CRIM1: variants seen among roughly 807,000 people sequenced by gnomAD.
CRIM1 encodes cysteine rich transmembrane BMP regulator 1.
CRIM1 carries 32 observed loss-of-function variants against 116.4 expected under a neutral mutation model. The observed-to-expected ratio is 0.27, with a 90% CI of 0.21 to 0.37. CRIM1 has a LOEUF of 0.37. Ranked by LOEUF, CRIM1 falls within the 10% of genes least tolerant of loss-of-function variation. CRIM1 has a pLI of 1.00. For synonymous variants in CRIM1, 590 were observed against 509.2 expected (o/e 1.16, Z -2.13); for missense variants, 1,331 against 1,354.8 (o/e 0.98, Z 0.28).
Position 36,442,731 on chromosome 2 carries a change from A to G in CRIM1, c.865A>G (p.Thr289Ala), listed in dbSNP as rs1216424979. 9 of 1,614,170 alleles carry G rather than the reference A, an allele frequency of 5.6e-6. No homozygotes were observed. The highest frequency in any genetic ancestry group is 2.2e-5 in the South Asian group (2 of 91,078). The change falls in exon 4 of 17, where the codon ACA becomes GCA. Residue 289 changes from threonine to alanine, a missense_variant. Thr to Ala is a moderately conservative substitution (Grantham distance 58). Around this residue, in one of 3 missense-constraint regions of CRIM1, gnomAD observed 690 missense variants for 676.0 expected, o/e 1.02. Transcript: ENST00000280527. ...LTADGCCTLP[T>A]RCECLSGLCG... ...TGCAGATGGTTGCTGTACTTTGCCA[A>G]CAAGGTTAGTTTGCCATTAGTTTGT...
chr2:36,420,135 G>A (rs547923353), intron 2 of CRIM1, among the ~76,000 whole-genome samples: 1 of 152,074 alleles, frequency 6.6e-6, no homozygotes, highest in South Asian at 2.1e-4. Flanking sequence ...TCTTCTCTTT[G>A]ATAACCATGT....
At chr2:36,466,129 A>G (rs1313405571) in intron 5 of CRIM1, among the ~76,000 whole-genome samples, 3 of 151,878 alleles carry the variant, frequency 2.0e-5, no homozygotes, top group African/African-American at 4.8e-5. Context: ...CTCGTGATCC[A>G]CCCGCCTCGG....
At chr2:36,414,877 C>G (rs1406512787) in intron 2 of CRIM1, among the ~76,000 whole-genome samples, 1 of 152,132 alleles carries the variant, frequency 6.6e-6, no homozygotes, top group African/African-American at 2.4e-5. Context: ...GGATTTTATT[C>G]TAAGTATAAT....
intron 4 of CRIM1, among the ~76,000 whole-genome samples, chr2:36,447,909 A>G (rs1456671125): frequency 6.6e-6 from 1 of 152,184 alleles, no homozygotes; most frequent in Non-Finnish European, 1.5e-5. Flanking sequence ...TTCAGGTGAA[A>G]TTCGGGCAGC....
At chr2:36,536,726 A>C (rs2125166603) in intron 13 of CRIM1, among the ~76,000 whole-genome samples, 1 of 152,334 alleles carries the variant, frequency 6.6e-6, no homozygotes. Flanking sequence ...AAGAAGGAGC[A>C]GAATGTTTAA....
In CRIM1 at chr2:36,548,581, C is replaced by A. The variant is rs541773645; in HGVS notation, c.2991C>A (p.Val997=). 5.0e-6 allele frequency: 8 copies of A among 1,611,220 alleles called. No individual in the cohort carries two copies. The African/African-American group carries it at 9.4e-5, about 19-fold the overall frequency. The part of the protein sequence containing the change: ...VSVDCKKGTR[V]QVDSSQRMLR... ...TGGACTGCAAGAAAGGAACCAGAGT[C>A]CAGGTGGACAGTTCCCAGAGAATGC... Residue 997 remains valine (V), a synonymous_variant, in exon 17 of 17, where the codon GTC becomes GTA. Coordinates refer to ENST00000280527, the MANE Select transcript of CRIM1 (RefSeq NM_016441.3).
chr2:36,469,604 A>T (rs946616798), intron 5 of CRIM1, among the ~76,000 whole-genome samples: 1 of 152,186 alleles, frequency 6.6e-6, no homozygotes, highest in Non-Finnish European at 1.5e-5. Flanking sequence ...TCCTCATGTA[A>T]AATTTTGGCC....
At chr2:36,366,072 ATAAG>A (rs1669584918) in intron 1 of CRIM1, among the ~76,000 whole-genome samples, 1 of 152,230 alleles carries the variant, frequency 6.6e-6, no homozygotes, top group African/African-American at 2.4e-5. Context: ...GTACCTGAAA[ATAAG>A]TATCATTTTT....
intron 2 of CRIM1, among the ~76,000 whole-genome samples, chr2:36,415,763 T>G (rs1673567127): frequency 6.6e-6 from 1 of 152,248 alleles, no homozygotes; most frequent in Non-Finnish European, 1.5e-5. Context: ...AACTGAGGAC[T>G]TATGTGGTAG....
chr2:36,450,578 C>G (rs947273518), intron 4 of CRIM1, among the ~76,000 whole-genome samples: 1 of 152,166 alleles, frequency 6.6e-6, no homozygotes, highest in African/African-American at 2.4e-5. Flanking sequence ...CTTTATTTCT[C>G]TCCCATAAAA....
At chr2:36,482,118 A>G (rs1324327058) in intron 7 of CRIM1, among the ~76,000 whole-genome samples, 5 of 152,046 alleles carry the variant, frequency 3.3e-5, no homozygotes, top group Non-Finnish European at 5.9e-5. Context: ...TTCAGCGGTA[A>G]AGTTCTGCTG....
intron 10 of CRIM1, chr2:36,513,329 C>T: frequency 3.8e-6 from 2 of 524,864 alleles, no homozygotes; most frequent in Non-Finnish European, 6.8e-6. Flanking sequence ...CAGCGATCAT[C>T]CCACGAATTG....
intron 2 of CRIM1, among the ~76,000 whole-genome samples, chr2:36,436,267 A>C (rs568537217): frequency 1.8e-4 from 27 of 152,280 alleles, no homozygotes; most frequent in South Asian, 4.1e-4. Context: ...TGACAAGCTG[A>C]TGACTAGTTC....
chr2:36,538,898 G>GT (rs1666746694), intron 14 of CRIM1, among the ~76,000 whole-genome samples: 1 of 152,196 alleles, frequency 6.6e-6, no homozygotes, highest in African/African-American at 2.4e-5. Flanking sequence ...AGTTTCCCCA[G>GT]TAATATGCTT....
chr2:36,475,950 T>C (rs1678943817), intron 5 of CRIM1, among the ~76,000 whole-genome samples: 1 of 152,208 alleles, frequency 6.6e-6, no homozygotes, highest in Non-Finnish European at 1.5e-5. Context: ...TGTATAATTT[T>C]GTTTATATGT....
chr2:36,407,957 A>G (rs1041298055), intron 2 of CRIM1, among the ~76,000 whole-genome samples: 1 of 151,984 alleles, frequency 6.6e-6, no homozygotes, highest in Non-Finnish European at 1.5e-5. Flanking sequence ...CTTAACTCTG[A>G]GCTTTGAAGC....
chr2:36,401,799 C>A (rs1301980776), intron 2 of CRIM1, among the ~76,000 whole-genome samples: 1 of 152,122 alleles, frequency 6.6e-6, no homozygotes, highest in Non-Finnish European at 1.5e-5. Flanking sequence ...ATATAAAACA[C>A]CCTGGAAATC....
At chr2:36,434,531 T>C (rs898587864) in intron 2 of CRIM1, among the ~76,000 whole-genome samples, 1 of 152,220 alleles carries the variant, frequency 6.6e-6, no homozygotes, top group African/African-American at 2.4e-5. Flanking sequence ...GTCTCTCTCT[T>C]CATCTGTCAA....
intron 4 of CRIM1, among the ~76,000 whole-genome samples, chr2:36,449,260 T>C (rs1185660717): frequency 3.3e-5 from 5 of 152,132 alleles, no homozygotes; most frequent in Non-Finnish European, 7.4e-5. Context: ...GAGGGAGCAT[T>C]GTGGAGCTGG....
Sources: allele counts gnomAD v4.1 joint callset (sites outside exome capture counted in the v4.1 genomes callset), GRCh38; gene constraint gnomAD v4.1.1; regional missense constraint gnomAD v4.1.1; transcripts MANE v1.5; gene names NCBI Gene and HGNC (gene_info 2026-07-23, HGNC 2026-07-21).